The following ADCK1 variants were observed in gnomAD, a reference collection of about 807,000 sequenced individuals.
The protein encoded by ADCK1 is aarF domain containing kinase 1, also known as aarF domain-containing protein kinase 1.
A neutral mutation model predicts 52.3 loss-of-function variants in ADCK1; 41 were observed. The observed-to-expected ratio is 0.78, with a 90% CI of 0.61 to 1.02. ADCK1 has a LOEUF of 1.02. Ranked by LOEUF, ADCK1 falls within the 50% of genes least tolerant of loss-of-function variation. The pLI, the probability that ADCK1 is intolerant of heterozygous loss-of-function variation, is 0.00. For missense variants in ADCK1, 658 were observed against 679.5 expected, an observed-to-expected ratio of 0.97 and a Z score of 0.35; for synonymous variants, 250 against 274.6, an observed-to-expected ratio of 0.91 and a Z score of 0.89.
chr14:77,866,819 T>C (rs1468860029), intron 4 of ADCK1, among the ~76,000 whole-genome samples: 4 of 152,114 alleles, frequency 2.6e-5, no homozygotes, highest in Non-Finnish European at 4.4e-5. Flanking sequence ...TATCCAGGGC[T>C]GAGCATGCCC....
chr14:77,919,634 C>T (rs908760910), intron 7 of ADCK1, among the ~76,000 whole-genome samples: 2 of 152,154 alleles, frequency 1.3e-5, no homozygotes, highest in Admixed American at 6.5e-5. Flanking sequence ...GGTAGTTCTA[C>T]CTTTAGTTCT....
intron 3 of ADCK1, among the ~76,000 whole-genome samples, chr14:77,847,831 C>T (rs545858588): frequency 1.3e-5 from 2 of 152,272 alleles, no homozygotes; most frequent in African/African-American, 2.4e-5. Context: ...CCTTCCAGAT[C>T]CCCCTGTGTG....
chr14:77,820,341 A>T (rs1379770696), intron 2 of ADCK1, among the ~76,000 whole-genome samples: 4 of 151,088 alleles, frequency 2.6e-5, no homozygotes, highest in Admixed American at 2.6e-4. Flanking sequence ...TTAAATCTTT[A>T]TTTTTTTGAG....
rs568380674 is a variant in ADCK1, at chr14:77,801,932, C to T, written c.-12+1762C>T. Among the ~76,000 whole-genome samples the T allele has an allele frequency of 2.3e-4, 35 of 152,068 alleles. No homozygotes were observed. The South Asian group carries it at 4.6e-3, about 20-fold the overall frequency. On this transcript the variant is annotated intron_variant, in intron 1 of 10. Transcript: ENST00000238561. ...CTCCAGCCTGGGCGACTGAGCAAGA[C>T]TCCGTCTAAAAAAAAAAAATTTAGT...
chr14:77,912,643 G>A lies in ADCK1; in HGVS notation c.858+4724G>A, dbSNP rs1051180154. 2.6e-5 allele frequency among the ~76,000 whole-genome samples: 4 copies of A among 152,138 alleles called. No homozygotes were observed. In the South Asian group the frequency reaches 8.3e-4, roughly 32 times the overall value. On this transcript the variant is annotated intron_variant, in intron 7 of 10. Coordinates refer to ENST00000238561, the MANE Select transcript of ADCK1 (RefSeq NM_020421.4). ...GGAGGTACAAGGGCTAGATAGGAGTGACAGGGGCGAAAGTCTTACTCTGAA... is the reference window on the plus strand; with the variant it reads ...GGAGGTACAAGGGCTAGATAGGAGTAACAGGGGCGAAAGTCTTACTCTGAA...
rs573474177 is a variant in ADCK1 at position 77,842,486 on chromosome 14, T to G, written c.220-16590T>G. On this transcript the variant is annotated intron_variant, in intron 3 of 10. Transcript: ENST00000238561. ...TTCCTTCCTTCCTTCCTTCCTTCCT[T>G]CCTTCCTTCCTTCCTTCCTTCCTTC... 3.5e-4 allele frequency among the ~76,000 whole-genome samples: 51 copies of G among 146,508 alleles called. 1 individual carries two copies. The East Asian group carries it at 1.0e-2, about 29-fold the overall frequency.
rs373236472 is a variant in ADCK1, at chr14:77,915,581, T to TA, written c.858+7668dup. Among the ~76,000 whole-genome samples the TA allele has an allele frequency of 6.6e-3, 999 of 152,176 alleles. 6 individuals carry two copies. The highest frequency in any genetic ancestry group is 0.014 in the African/African-American group (598 of 41,514). On this transcript the variant is annotated intron_variant, in intron 7 of 10. Coordinates refer to ENST00000238561, the MANE Select transcript of ADCK1 (RefSeq NM_020421.4). ...TACACCATGGAATACTATGCAGCCA[T>TA]AAAAAATGATGAGTTCACGTCCTTT...
Position 77,933,651 on chromosome 14 carries a change from G to T in ADCK1, c.*260G>T. Reference sequence around the variant, plus strand: ...GCCTACATTCCCATTCCTGGTATGTGCCATTGGGTTGGATGTCCCCACTAC... The same window carrying T: ...GCCTACATTCCCATTCCTGGTATGTTCCATTGGGTTGGATGTCCCCACTAC... On this transcript the variant is annotated 3_prime_UTR_variant, in exon 11 of 11. Coordinates refer to ENST00000238561, the MANE Select transcript of ADCK1 (RefSeq NM_020421.4). 1 of 458,932 alleles carries T rather than the reference G, an allele frequency of 2.2e-6. No individual in the cohort carries two copies. Among genetic ancestry groups the T allele is most frequent in the Non-Finnish European group, 3.9e-6 (1 of 256,470 alleles). 28.4% of individuals were successfully genotyped at this position (458,932 alleles called of 1,614,324 possible).
chr14:77,859,044 C>T (rs2140137432), intron 3 of ADCK1, 32 bp from the exon 4 acceptor site: 1 of 1,561,664 alleles, frequency 6.4e-7, no homozygotes, highest in East Asian at 2.3e-5. Flanking sequence ...TCTGCACTCA[C>T]ACCTCTCTGG....
At chr14:77,832,232 C>T (rs2081870430) in intron 3 of ADCK1, among the ~76,000 whole-genome samples, 1 of 152,190 alleles carries the variant, frequency 6.6e-6, no homozygotes, top group Non-Finnish European at 1.5e-5. Context: ...CCCGCCTTGG[C>T]TGTAATCCCC....
chr14:77,814,695 C>CAAAAAAAAAAAAAAAAAAAAAAA, intron 1 of ADCK1, among the ~76,000 whole-genome samples: 1 of 35,928 alleles, frequency 2.8e-5, no homozygotes, highest in Non-Finnish European at 5.5e-5. Context: ...AAGACACTCT[C>CAAAAAAAAAAAAAAAAAAAAAAA]AAAAAAAAAA....
chr14:77,882,925 C>T (rs1299219520), intron 4 of ADCK1, among the ~76,000 whole-genome samples: 1 of 151,728 alleles, frequency 6.6e-6, no homozygotes, highest in African/African-American at 2.4e-5. Flanking sequence ...TTTGTCAAGC[C>T]CCTAGGGGAT....
intron 4 of ADCK1, among the ~76,000 whole-genome samples, chr14:77,886,030 A>T (rs2083139131): frequency 2.0e-5 from 3 of 152,244 alleles, no homozygotes; most frequent in Admixed American, 2.0e-4. Context: ...TATATTTTCT[A>T]CTTCATAGAA....
chr14:77,814,431 AAAAAAC>A (rs1272520065), intron 1 of ADCK1, among the ~76,000 whole-genome samples: 16 of 150,282 alleles, frequency 1.1e-4, no homozygotes, highest in African/African-American at 3.7e-4. Flanking sequence ...TTACTGAAAA[AAAAAAC>A]AAAAAACAAA....
At position 77,913,187 on chromosome 14, in the gene ADCK1, T is replaced by C. The variant is rs961528919; in HGVS notation, c.858+5268T>C. Among the ~76,000 whole-genome samples the C allele has an allele frequency of 2.6e-5, 4 of 152,200 alleles. No individual in the cohort carries two copies. The South Asian group carries it at 6.2e-4, about 24-fold the overall frequency. ...TCCAAATCCGGGGTGGAAAGGATTG[T>C]AGAAGTTTGCAAGAATCTGCATTTC... On this transcript the variant is annotated intron_variant, in intron 7 of 10. Transcript: ENST00000238561.
chr14:77,842,774 T>G (rs1468743615), intron 3 of ADCK1, among the ~76,000 whole-genome samples: 1 of 152,098 alleles, frequency 6.6e-6, no homozygotes, highest in Non-Finnish European at 1.5e-5. Context: ...TGTCTTGAAC[T>G]GCTGACCTCA....
At chr14:77,847,671 T>A (rs369728136) in intron 3 of ADCK1, among the ~76,000 whole-genome samples, 13 of 152,358 alleles carry the variant, frequency 8.5e-5, no homozygotes, top group South Asian at 2.1e-4. Context: ...CTTTTCCCAC[T>A]GTGGCCAGTG....
intron 1 of ADCK1, among the ~76,000 whole-genome samples, chr14:77,807,596 G>A (rs553975970): frequency 2.0e-4 from 29 of 147,108 alleles, no homozygotes; most frequent in African/African-American, 6.8e-4. Context: ...TGCAATCTCC[G>A]CCTCTGGGGT....
intron 3 of ADCK1, among the ~76,000 whole-genome samples, chr14:77,824,990 A>G (rs1426444451): frequency 6.6e-6 from 1 of 152,216 alleles, no homozygotes; most frequent in African/African-American, 2.4e-5. Flanking sequence ...ATCAAAATAT[A>G]CGGTATTTGA....
Sources: allele counts gnomAD v4.1 joint callset (sites outside exome capture counted in the v4.1 genomes callset), GRCh38; gene constraint gnomAD v4.1.1; transcripts MANE v1.5; gene names NCBI Gene and HGNC (gene_info 2026-07-23, HGNC 2026-07-21).